Variants in THRB observed in about 807,000 individuals in gnomAD.
THRB encodes nuclear receptor subfamily 1 group A member 2.
THRB carries 12 observed loss-of-function variants against 47.8 expected under a neutral mutation model. That is an observed-to-expected ratio of 0.25 (90% CI 0.16 to 0.41). The LOEUF is 0.41. Ranked by LOEUF, THRB falls within the 10% of genes least tolerant of loss-of-function variation. The probability of loss-of-function intolerance (pLI) is 1.00; values close to 1 mark genes in which losing one functional copy is unlikely to be tolerated. For synonymous variants in THRB, 218 were observed against 212.2 expected, an observed-to-expected ratio of 1.03 and a Z score of -0.24; for missense variants, 348 against 589.2, an observed-to-expected ratio of 0.59 and a Z score of 4.24.
At chr3:24,420,571 T>C (rs2069146234) in intron 1 of THRB, among the ~76,000 whole-genome samples, 1 of 151,990 alleles carries the variant, frequency 6.6e-6, no homozygotes. Context: ...AAAGGAGACA[T>C]ACATATGGCC....
At chr3:24,167,154 T>C (rs1217529032) in intron 5 of THRB, among the ~76,000 whole-genome samples, 1 of 152,158 alleles carries the variant, frequency 6.6e-6, no homozygotes, top group East Asian at 1.9e-4. Flanking sequence ...AATTGTAGAA[T>C]GAGCTAAAGA....
intron 5 of THRB, among the ~76,000 whole-genome samples, chr3:24,183,616 A>G (rs1192767056): frequency 6.8e-6 from 1 of 147,678 alleles, no homozygotes; most frequent in Non-Finnish European, 1.5e-5. Flanking sequence ...CAAGTGATCC[A>G]CCTGCCTCGG....
chr3:24,486,912 T>C lies in THRB; in HGVS notation c.-261+7740A>G, dbSNP rs77018458. On this transcript the variant is annotated intron_variant, in intron 1 of 10. Transcript: ENST00000646209. Reference sequence around the variant, plus strand: ...ATTCTAGATCTCCAGATGTTAGAAGTATAGCAGAAATTGCAGTGAAGCCTA... The same window carrying C: ...ATTCTAGATCTCCAGATGTTAGAAGCATAGCAGAAATTGCAGTGAAGCCTA... Among the ~76,000 whole-genome samples, 1,127 of 152,350 alleles carry C rather than the reference T, an allele frequency of 7.4e-3. 11 individuals carry two copies. Among genetic ancestry groups the C allele is most frequent in the South Asian group, 0.012 (59 of 4,832 alleles).
intron 4 of THRB, 87 bp downstream of exon 4, chr3:24,228,851 G>C (rs375347357): frequency 7.8e-7 from 1 of 1,285,564 alleles, no homozygotes; most frequent in Non-Finnish European, 1.1e-6. Flanking sequence ...GCTAAAACTC[G>C]CAAGTTAATC....
intron 3 of THRB, chr3:24,238,105 T>C (rs2049054074): frequency 1.3e-5 from 2 of 152,026 alleles, no homozygotes; most frequent in Admixed American, 6.5e-5. Flanking sequence ...GATAGTCTCT[T>C]AAGAGGACAG....
At chr3:24,317,864 C>T (rs1177915301) in intron 2 of THRB, among the ~76,000 whole-genome samples, 2 of 152,190 alleles carry the variant, frequency 1.3e-5, no homozygotes, top group East Asian at 3.9e-4. Context: ...CAAGAATAGC[C>T]TGGGAAACAT....
intron 1 of THRB, among the ~76,000 whole-genome samples, chr3:24,365,303 A>T (rs1258777211): frequency 6.6e-6 from 1 of 151,920 alleles, no homozygotes; most frequent in African/African-American, 2.4e-5. Flanking sequence ...CAGAACAGGC[A>T]CTCCCTCTGC....
At chr3:24,486,419 C>T (rs747916797) in intron 1 of THRB, 1 of 152,156 alleles carries the variant, frequency 6.6e-6, no homozygotes, top group Non-Finnish European at 1.5e-5. Flanking sequence ...TGGCACTTGG[C>T]AGATGTCCCA....
chr3:24,365,154 T>C (rs1024009872), intron 1 of THRB, among the ~76,000 whole-genome samples: 4 of 152,178 alleles, frequency 2.6e-5, no homozygotes, highest in Non-Finnish European at 4.4e-5. Context: ...GGTCATTTCT[T>C]ATCCAGGAAC....
rs1231179706 is a variant in THRB at position 24,191,930 on chromosome 3, C to T, written c.23-1596G>A. On this transcript the variant is annotated intron_variant, in intron 4 of 10. Transcript: ENST00000646209. ...CTCCTTTTAAAAATTGTACACTGTG[C>T]TAGCTTTTGGGTGTAACATTTGATC... is the stretch of plus-strand genomic sequence containing the variant. Among the ~76,000 whole-genome samples, 3 of 152,202 alleles carry T rather than the reference C, an allele frequency of 2.0e-5. No individual in the cohort carries two copies. The East Asian group carries it at 5.8e-4, about 29-fold the overall frequency.
At chr3:24,345,336 A>G (rs2062943500) in intron 1 of THRB, among the ~76,000 whole-genome samples, 2 of 152,116 alleles carry the variant, frequency 1.3e-5, no homozygotes, top group Admixed American at 6.6e-5. Context: ...AAAGCATGGC[A>G]GGGAAACCAC....
rs952824314 is a variant in THRB, at chr3:24,120,675, C to T, written c.*2209G>A. 6.6e-6 allele frequency: 1 copy of T among 152,232 alleles called. No homozygotes were observed. The highest frequency in any genetic ancestry group is 1.9e-4 in the East Asian group (1 of 5,196). 9.4% of individuals were successfully genotyped at this position (152,232 alleles called of 1,614,324 possible). ...AAGAGCGGTTGGTTCCTCAAGGAGT[C>T]AAGAGAGGAAGCTGAAATATTAGCA... On this transcript the variant is annotated 3_prime_UTR_variant, in exon 11 of 11. Transcript: ENST00000646209.
chr3:24,150,906 G>A (rs561174349), intron 6 of THRB, among the ~76,000 whole-genome samples: 91 of 152,218 alleles, frequency 6.0e-4, no homozygotes, highest in Middle Eastern at 6.8e-3. Context: ...ATGAGAGTAG[G>A]TACCTAAAGT....
chr3:24,301,800 A>G (rs1216388060), intron 2 of THRB, among the ~76,000 whole-genome samples: 2 of 152,220 alleles, frequency 1.3e-5, no homozygotes, highest in Non-Finnish European at 2.9e-5. Context: ...AGATGGGGAT[A>G]TTATTCTGGA....
intron 1 of THRB, among the ~76,000 whole-genome samples, chr3:24,375,451 A>G (rs2065213626): frequency 6.9e-6 from 1 of 144,516 alleles, no homozygotes; most frequent in South Asian, 2.1e-4. Flanking sequence ...AATATATTAT[A>G]GTTAGACATA....
intron 3 of THRB, among the ~76,000 whole-genome samples, chr3:24,266,203 G>T (rs1053616331): frequency 6.6e-6 from 1 of 151,986 alleles, no homozygotes; most frequent in East Asian, 1.9e-4. Flanking sequence ...CTTAATGAAT[G>T]AACAAAAACA....
intron 1 of THRB, among the ~76,000 whole-genome samples, chr3:24,419,921 T>C (rs1365304036): frequency 6.6e-6 from 1 of 151,790 alleles, no homozygotes; most frequent in African/African-American, 2.4e-5. Flanking sequence ...TGGCACAGTC[T>C]GGAGGGGTTA....
At chr3:24,199,236 G>A (rs1004830246) in intron 4 of THRB, among the ~76,000 whole-genome samples, 5 of 152,186 alleles carry the variant, frequency 3.3e-5, no homozygotes, top group Non-Finnish European at 5.9e-5. Flanking sequence ...ACGGTCTGCT[G>A]AGGCCCATGT....
intron 3 of THRB, among the ~76,000 whole-genome samples, chr3:24,283,019 T>C (rs1458985095): frequency 6.6e-6 from 1 of 151,638 alleles, no homozygotes; most frequent in African/African-American, 2.4e-5. Flanking sequence ...GAGGAACTGG[T>C]ACCATTCCTT....
Sources: gnomAD v4.1 joint callset for allele counts (sites outside exome capture counted in the v4.1 genomes callset) on GRCh38, gnomAD v4.1.1 for gene constraint, MANE v1.5 for transcripts, NCBI Gene and HGNC (gene_info 2026-07-23, HGNC 2026-07-21) for gene names.